Variants in CRACR2A observed in about 807,000 individuals in gnomAD.
CRACR2A encodes the protein calcium release activated channel regulator 2A.
A neutral mutation model predicts 90.5 loss-of-function variants in CRACR2A; 79 were observed. That is an observed-to-expected ratio of 0.87 (90% CI 0.73 to 1.05). The LOEUF is 1.05. Ranked by LOEUF, CRACR2A falls within the 50% of genes least tolerant of loss-of-function variation. The pLI is 0.00. For missense variants in CRACR2A, 823 were observed against 897.2 expected, an observed-to-expected ratio of 0.92 and a Z score of 1.06; for synonymous variants, 338 against 356.7, an observed-to-expected ratio of 0.95 and a Z score of 0.59.
intron 5 of CRACR2A, 73 bp downstream of exon 5, chr12:3,680,165 G>T: frequency 7.8e-7 from 1 of 1,274,826 alleles, no homozygotes; most frequent in Non-Finnish European, 1.1e-6. Context: ...GGTCTACAAG[G>T]GACAGGAATG....
At position 3,615,574 on chromosome 12, in the gene CRACR2A, A is replaced by T. The variant is rs148135488; in HGVS notation, c.2112-135T>A. ...GAACCCACCCTCACCACGGCATCAGAGAGAGTCCTGAACATCCCCCCCTGG... is the reference window on the plus strand; with the variant it reads ...GAACCCACCCTCACCACGGCATCAGTGAGAGTCCTGAACATCCCCCCCTGG... On this transcript the variant is annotated intron_variant, in intron 19 of 19. Transcript: ENST00000440314. 154 of 665,070 alleles carry T rather than the reference A, an allele frequency of 2.3e-4. No homozygotes were observed. In the African/African-American group the frequency reaches 2.7e-3, roughly 11 times the overall value. The allele number at this position is 665,070 out of a possible 1,614,324, so 41.2% of individuals were successfully genotyped here.
intron 17 of CRACR2A, 77 bp from the exon 18 acceptor site, chr12:3,619,449 G>T: frequency 9.0e-7 from 1 of 1,108,122 alleles, no homozygotes; most frequent in Non-Finnish European, 1.3e-6. Context: ...ATGCCGGCTG[G>T]ACAGATGGGA....
chr12:3,668,824 G>T (rs1191735323), intron 7 of CRACR2A, among the ~76,000 whole-genome samples: 1 of 152,182 alleles, frequency 6.6e-6, no homozygotes, highest in Non-Finnish European at 1.5e-5. Flanking sequence ...GCTGGTAGGG[G>T]CTGCAACTTA....
Position 3,656,295 on chromosome 12 carries a change from A to C in CRACR2A, c.858+16T>G. The C allele has an allele frequency of 6.2e-7, 1 of 1,613,386 alleles. No individual in the cohort carries two copies. The highest frequency in any genetic ancestry group is 8.5e-7 in the Non-Finnish European group (1 of 1,179,490). The stretch of plus-strand genomic sequence containing the variant: ...GTGAAGAGCCAGGTACTCTGGGGCC[A>C]TGGATGGCAACATACCCTTTTCTGC... On this transcript the variant is annotated intron_variant, in intron 9 of 19. Transcript: ENST00000440314.
intron 4 of CRACR2A, among the ~76,000 whole-genome samples, chr12:3,689,240 G>A (rs1320393012): frequency 1.3e-5 from 2 of 152,208 alleles, no homozygotes; most frequent in Non-Finnish European, 2.9e-5. Context: ...TTGAATAGGA[G>A]TGGTGAGAGA....
chr12:3,666,914 A>AG (rs1945161257), intron 7 of CRACR2A, among the ~76,000 whole-genome samples: 2 of 152,242 alleles, frequency 1.3e-5, no homozygotes, highest in South Asian at 4.1e-4. Context: ...TGTAAATGAA[A>AG]GCGTAGGCTT....
At chr12:3,751,612 C>T (rs1030064004) in intron 1 of CRACR2A, among the ~76,000 whole-genome samples, 1 of 152,206 alleles carries the variant, frequency 6.6e-6, no homozygotes, top group South Asian at 2.1e-4. Context: ...TTTGCTCAGC[C>T]GTCCTTCCCC....
At chr12:3,625,914 T>TA (rs543174955) in intron 17 of CRACR2A, among the ~76,000 whole-genome samples, 6 of 151,578 alleles carry the variant, frequency 4.0e-5, no homozygotes, top group South Asian at 2.1e-4. Context: ...ACAACAAAAG[T>TA]AAAAAAAAGA....
At chr12:3,619,723 C>T (rs747555325) in intron 17 of CRACR2A, among the ~76,000 whole-genome samples, 1 of 152,216 alleles carries the variant, frequency 6.6e-6, no homozygotes, top group Non-Finnish European at 1.5e-5. Flanking sequence ...TGCATGCCTC[C>T]TTCCAGAGCT....
chr12:3,703,254 A>G (rs1375204588), intron 3 of CRACR2A, among the ~76,000 whole-genome samples: 2 of 152,046 alleles, frequency 1.3e-5, no homozygotes, highest in Non-Finnish European at 2.9e-5. Flanking sequence ...ACGCCCAGCT[A>G]ATTTTTTATA....
chr12:3,621,661 A>AAAAAAAAAAAAAAAAAAAC (rs1944139471), intron 17 of CRACR2A, among the ~76,000 whole-genome samples: 1 of 139,036 alleles, frequency 7.2e-6, no homozygotes, highest in African/African-American at 2.6e-5. Flanking sequence ...AAAAAAAAAA[A>AAAAAAAAAAAAAAAAAAAC]AAAAAAAAAA....
rs1015703286 is a variant in CRACR2A at position 3,697,097 on chromosome 12, A to G, written c.-36-62T>C. The G allele has an allele frequency of 6.7e-6, 10 of 1,483,626 alleles. No individual in the cohort carries two copies. In the East Asian group the frequency reaches 1.2e-4, roughly 18 times the overall value. 91.9% of individuals were successfully genotyped at this position (1,483,626 alleles called of 1,614,324 possible). ...TGGGTTGGAGTGAGGCTGAAAAAGA[A>G]CAAGAGGGGATGAGAAGGAAGCACA... On this transcript the variant is annotated intron_variant, in intron 3 of 19. Transcript: ENST00000440314.
Position 3,696,906 on chromosome 12 carries a change from G to C in CRACR2A, c.94C>G (p.Pro32Ala), listed in dbSNP as rs1280785356. 2 of 1,614,216 alleles carry C rather than the reference G, an allele frequency of 1.2e-6. No homozygotes were observed. The highest frequency in any genetic ancestry group is 2.2e-5 in the South Asian group (2 of 91,082). Reference protein sequence around the residue: ...GPKGSGACLHPLDSLEQKETQ... With the variant: ...GPKGSGACLHALDSLEQKETQ... ...TCCTTCTGCTCCAGGCTGTCCAGGG[G>C]ATGCAGGCAGGCTCCACTCCCCTTT... The change falls in exon 4 of 20, where the codon CCC becomes GCC. Residue 32 changes from proline (P) to alanine (A), a missense_variant. Pro to Ala is a conservative substitution (Grantham distance 27). Transcript: ENST00000440314.
intron 10 of CRACR2A, among the ~76,000 whole-genome samples, chr12:3,650,889 A>G (rs1457734544): frequency 6.6e-6 from 1 of 152,256 alleles, no homozygotes; most frequent in Non-Finnish European, 1.5e-5. Flanking sequence ...TCTAGTAAAC[A>G]TATATCTGCT....
chr12:3,628,067 C>T (rs897479971), intron 15 of CRACR2A, among the ~76,000 whole-genome samples: 2 of 142,350 alleles, frequency 1.4e-5, no homozygotes, highest in Admixed American at 1.4e-4. Flanking sequence ...CTTTCCCTCC[C>T]TCTCTCCCTC....
At chr12:3,699,883 C>T (rs192736735) in intron 3 of CRACR2A, among the ~76,000 whole-genome samples, 1 of 152,296 alleles carries the variant, frequency 6.6e-6, no homozygotes, top group East Asian at 1.9e-4. Flanking sequence ...TTATTTCAGG[C>T]AGGTAGCTCT....
At chr12:3,656,174 C>CT (rs1388882307) in intron 9 of CRACR2A, 137 bp downstream of exon 9, 12 of 737,456 alleles carry the variant, frequency 1.6e-5, no homozygotes, top group African/African-American at 5.3e-5. Flanking sequence ...TAAATGCTAT[C>CT]TTTTGCGCGA....
chr12:3,692,326 T>G (rs2137677089), intron 4 of CRACR2A, among the ~76,000 whole-genome samples: 1 of 152,268 alleles, frequency 6.6e-6, no homozygotes, highest in Non-Finnish European at 1.5e-5. Flanking sequence ...TTTTATCCTA[T>G]TCGATGACCT....
At chr12:3,621,672 A>AAAAAAAAAAAAAAAAAAAAAAAAAC (rs1565460356) in intron 17 of CRACR2A, among the ~76,000 whole-genome samples, 1 of 145,712 alleles carries the variant, frequency 6.9e-6, no homozygotes, top group African/African-American at 2.5e-5. Context: ...AAAAAAAAAA[A>AAAAAAAAAAAAAAAAAAAAAAAAAC]AAAAAAAAAC....
Sources: allele counts gnomAD v4.1 joint callset (sites outside exome capture counted in the v4.1 genomes callset), GRCh38; gene constraint gnomAD v4.1.1; transcripts MANE v1.5; gene names NCBI Gene and HGNC (gene_info 2026-07-23, HGNC 2026-07-21).